Variants in DLG2 observed in about 807,000 individuals in gnomAD.
DLG2 encodes disks large homolog 2.
Under a neutral mutation model 132.5 loss-of-function variants are expected in DLG2, and 45 were observed. That is an observed-to-expected ratio of 0.34 (90% CI 0.27 to 0.44). The LOEUF is 0.44. DLG2 is among the 20% of genes least tolerant of loss of function. The pLI is 1.00. For synonymous variants in DLG2, 424 were observed against 419.6 expected (o/e 1.01, Z -0.13); for missense variants, 1,045 against 1,196.9 (o/e 0.87, Z 1.87).
chr11:85,504,298 C>A (rs1390712520), intron 3 of DLG2, among the ~76,000 whole-genome samples: 3 of 151,968 alleles, frequency 2.0e-5, no homozygotes, highest in African/African-American at 7.3e-5. Flanking sequence ...ATGCCTATGT[C>A]CTGAATGGTA....
chr11:84,827,117 T>C (rs2078424480), intron 6 of DLG2, among the ~76,000 whole-genome samples: 1 of 151,720 alleles, frequency 6.6e-6, no homozygotes, highest in Non-Finnish European at 1.5e-5. Flanking sequence ...TAACTCAATA[T>C]ATAGTTGAGG....
At chr11:83,941,475 A>C (rs1484188221) in intron 14 of DLG2, among the ~76,000 whole-genome samples, 1 of 151,864 alleles carries the variant, frequency 6.6e-6, no homozygotes, top group Non-Finnish European at 1.5e-5. Context: ...AACTCACTGC[A>C]ACCTCTGCCT....
At chr11:85,544,888 G>A (rs2076209003) in intron 3 of DLG2, among the ~76,000 whole-genome samples, 1 of 152,138 alleles carries the variant, frequency 6.6e-6, no homozygotes, top group Admixed American at 6.5e-5. Context: ...GGAGACTTTG[G>A]GGTGAGATGA....
rs1259679728 is a variant in DLG2 at position 84,911,207 on chromosome 11, A to G, written c.357+200454T>C. 2.0e-5 allele frequency among the ~76,000 whole-genome samples: 3 copies of G among 152,264 alleles called. No homozygotes were observed. In the East Asian group the frequency reaches 5.8e-4, roughly 29 times the overall value. On this transcript the variant is annotated intron_variant, in intron 6 of 27. Transcript: ENST00000376104. ...TTTTAAGGCATCTTTCTTGGACAGAAAAGATTATGTGGAGCTCTTTCCCTT... is the reference window on the plus strand; with the variant it reads ...TTTTAAGGCATCTTTCTTGGACAGAGAAGATTATGTGGAGCTCTTTCCCTT...
At chr11:83,976,069 G>C (rs1248934961) in intron 12 of DLG2, among the ~76,000 whole-genome samples, 1 of 151,760 alleles carries the variant, frequency 6.6e-6, no homozygotes, top group Non-Finnish European at 1.5e-5. Context: ...ATTTCAGGGA[G>C]AAAAAGTACC....
In DLG2 at chr11:84,788,009, T is replaced by C. The variant is rs1228911408; in HGVS notation, c.358-253278A>G. ...CCCAGTTACTTGGGAGACTGAGGCATAAGAATCAGTTGAACCAGGGAGGTA... is the reference window on the plus strand; with the variant it reads ...CCCAGTTACTTGGGAGACTGAGGCACAAGAATCAGTTGAACCAGGGAGGTA... On this transcript the variant is annotated intron_variant, in intron 6 of 27. Transcript: ENST00000376104. Among the ~76,000 whole-genome samples the C allele has an allele frequency of 8.4e-5, 11 of 130,930 alleles. No homozygotes were observed. The Admixed American group carries it at 1.0e-3, about 12-fold the overall frequency. 85.9% of individuals were successfully genotyped at this position (130,930 alleles called of 152,430 possible). A position where few individuals can be genotyped will look rare whatever the true frequency, so the allele number is the denominator to read the frequency against.
chr11:83,799,242 A>T (rs2043684923), intron 17 of DLG2, among the ~76,000 whole-genome samples: 1 of 152,210 alleles, frequency 6.6e-6, no homozygotes, highest in Non-Finnish European at 1.5e-5. Flanking sequence ...AGAAAGAAAA[A>T]ATGCTGCCAG....
intron 7 of DLG2, among the ~76,000 whole-genome samples, chr11:84,430,935 C>G (rs969247631): frequency 6.6e-6 from 1 of 152,090 alleles, no homozygotes. Context: ...GACTCACAAG[C>G]CTCTAAGAAA....
chr11:83,829,660 T>C (rs772725063), intron 17 of DLG2, among the ~76,000 whole-genome samples: 5 of 152,218 alleles, frequency 3.3e-5, no homozygotes, highest in Non-Finnish European at 7.3e-5. Flanking sequence ...TGTTTGAGCT[T>C]CTCAAGACTG....
chr11:84,524,935 A>C (rs1190693557), intron 7 of DLG2, among the ~76,000 whole-genome samples: 1 of 151,956 alleles, frequency 6.6e-6, no homozygotes, highest in Admixed American at 6.6e-5. Context: ...TTGTAGAGGA[A>C]CTACAAATTT....
intron 16 of DLG2, among the ~76,000 whole-genome samples, chr11:83,841,872 G>C (rs1364373007): frequency 6.6e-6 from 1 of 152,166 alleles, no homozygotes; most frequent in Non-Finnish European, 1.5e-5. Flanking sequence ...TAAAGAGCCT[G>C]GGGTAGGAGG....
At chr11:84,471,899 T>A (rs1329367350) in intron 7 of DLG2, among the ~76,000 whole-genome samples, 3 of 151,902 alleles carry the variant, frequency 2.0e-5, no homozygotes, top group African/African-American at 7.2e-5. Context: ...AGATTTTGTT[T>A]TTCTTATACA....
In DLG2 at chr11:83,456,110, GA is replaced by G. The variant is rs2088924593; in HGVS notation, c.*3707del. On this transcript the variant is annotated 3_prime_UTR_variant, in exon 28 of 28. Transcript: ENST00000376104. ...AAGGTGATGGCATGGCTTCAATGAG[GA>G]GGAAGAGGTTTGCTATCAGAATAAT... 1 of 152,732 alleles carries G rather than the reference GA, an allele frequency of 6.5e-6. No individual in the cohort carries two copies. The highest frequency in any genetic ancestry group is 1.5e-5 in the Non-Finnish European group (1 of 68,088). 9.5% of individuals were successfully genotyped at this position (152,732 alleles called of 1,614,324 possible).
chr11:84,247,707 T>G (rs2097320883), intron 8 of DLG2, among the ~76,000 whole-genome samples: 1 of 152,182 alleles, frequency 6.6e-6, no homozygotes, highest in African/African-American at 2.4e-5. Flanking sequence ...AGAAGTCTCT[T>G]TAAATATATT....
chr11:84,960,982 A>G (rs2052473409), intron 6 of DLG2, among the ~76,000 whole-genome samples: 1 of 152,126 alleles, frequency 6.6e-6, no homozygotes, highest in African/African-American at 2.4e-5. Flanking sequence ...TATAACTAGC[A>G]CATTCAATAT....
At chr11:84,771,090 G>A (rs2069302587) in intron 6 of DLG2, among the ~76,000 whole-genome samples, 1 of 152,304 alleles carries the variant, frequency 6.6e-6, no homozygotes, top group African/African-American at 2.4e-5. Flanking sequence ...CGTGTGGTAT[G>A]TGTCTTTATA....
intron 7 of DLG2, among the ~76,000 whole-genome samples, chr11:84,517,050 T>C (rs1412620907): frequency 1.1e-5 from 1 of 87,990 alleles, no homozygotes; most frequent in African/African-American, 3.8e-5. Flanking sequence ...TAAATAAATA[T>C]TCTATCCTAA....
At chr11:84,777,265 ATGTATATGTGTG>A (rs1229890549) in intron 6 of DLG2, among the ~76,000 whole-genome samples, 18 of 129,832 alleles carry the variant, frequency 1.4e-4, no homozygotes, top group African/African-American at 5.1e-4. Flanking sequence ...TTGTGTGTGT[ATGTATATGTGTG>A]TGTGTATATA....
intron 22 of DLG2, among the ~76,000 whole-genome samples, chr11:83,474,921 C>A (rs780079259): frequency 2.6e-5 from 4 of 152,082 alleles, no homozygotes; most frequent in African/African-American, 4.8e-5. Flanking sequence ...TGTATGATTG[C>A]GATTCAGACA....
Sources: gnomAD v4.1 joint callset for allele counts (sites outside exome capture counted in the v4.1 genomes callset) on GRCh38, gnomAD v4.1.1 for gene constraint, MANE v1.5 for transcripts, NCBI Gene and HGNC (gene_info 2026-07-23, HGNC 2026-07-21) for gene names.